PPP3CB: variants seen among roughly 807,000 people sequenced by gnomAD.
PPP3CB encodes serine/threonine-protein phosphatase 2B catalytic subunit beta isoform.
Under a neutral mutation model 66.4 loss-of-function variants are expected in PPP3CB, and 8 were observed. The ratio of observed to expected loss-of-function variants is 0.12; its 90% CI spans 0.07 to 0.22. The LOEUF (loss-of-function observed/expected upper bound fraction) is 0.22. Among genes scored for constraint, PPP3CB ranks in the 10% least tolerant of loss-of-function variants. The pLI is 1.00. For synonymous variants in PPP3CB, 208 were observed against 221.2 expected, an observed-to-expected ratio of 0.94 and a Z score of 0.53; for missense variants, 319 against 642.5, an observed-to-expected ratio of 0.50 and a Z score of 5.44.
At chr10:73,486,199 C>T (rs919678455) in intron 1 of PPP3CB, among the ~76,000 whole-genome samples, 1 of 151,944 alleles carries the variant, frequency 6.6e-6, no homozygotes, top group African/African-American at 2.4e-5. Flanking sequence ...CTGCCTCGGC[C>T]TTCCAAAGTG....
At chr10:73,463,044 G>T (rs1342801375) in intron 9 of PPP3CB, among the ~76,000 whole-genome samples, 1 of 150,352 alleles carries the variant, frequency 6.7e-6, no homozygotes, top group Admixed American at 6.6e-5. Flanking sequence ...AGTAACCTGA[G>T]TAAAGGGTTG....
At chr10:73,454,583 T>C in intron 9 of PPP3CB, 94 bp from the exon 10 acceptor site, 1 of 780,524 alleles carries the variant, frequency 1.3e-6, no homozygotes. Context: ...CAAATAATGT[T>C]TAGCCCAAGA....
chr10:73,467,759 A>G (rs1399033278), intron 8 of PPP3CB, 81 bp from the exon 9 acceptor site: 1 of 1,345,380 alleles, frequency 7.4e-7, no homozygotes, highest in African/African-American at 1.5e-5. Context: ...AATACATAAA[A>G]GCAGAAAAAT....
intron 10 of PPP3CB, among the ~76,000 whole-genome samples, chr10:73,454,169 C>G (rs2056388348): frequency 6.6e-6 from 1 of 152,110 alleles, no homozygotes; most frequent in African/African-American, 2.4e-5. Flanking sequence ...CTTTCCTTAT[C>G]TTCTTTCTTC....
chr10:73,457,612 C>A (rs1302387692), intron 9 of PPP3CB, among the ~76,000 whole-genome samples: 1 of 151,940 alleles, frequency 6.6e-6, no homozygotes, highest in Non-Finnish European at 1.5e-5. Flanking sequence ...GTGGCACATG[C>A]CTGTAATCCC....
chr10:73,443,141 C>T (rs113719503), intron 12 of PPP3CB, among the ~76,000 whole-genome samples: 7,043 of 151,728 alleles, frequency 0.046, 497 homozygotes, highest in African/African-American at 0.15. Flanking sequence ...TGAGGCTGCA[C>T]TGCACTCCAG....
intron 9 of PPP3CB, among the ~76,000 whole-genome samples, chr10:73,454,961 C>T (rs1171303982): frequency 6.6e-6 from 1 of 151,872 alleles, no homozygotes; most frequent in East Asian, 1.9e-4. Context: ...CAACCTCTGC[C>T]TCCCAGGTTC....
chr10:73,460,260 A>G (rs942848574), intron 9 of PPP3CB, among the ~76,000 whole-genome samples: 9 of 147,976 alleles, frequency 6.1e-5, no homozygotes, highest in African/African-American at 2.3e-4. Flanking sequence ...GCAAGAAAGT[A>G]ATAGCAAAAA....
In PPP3CB at chr10:73,476,356, C is replaced by T. The variant is rs112664688; in HGVS notation, c.412-1326G>A. ...CTACATCCAGGCGCAGTGGCTCACG[C>T]CTGTAATCCCAGCACTTCGGGAGGC... On this transcript the variant is annotated intron_variant, in intron 3 of 13. Coordinates refer to ENST00000360663, the MANE Select transcript of PPP3CB (RefSeq NM_021132.4). Among the ~76,000 whole-genome samples the T allele has an allele frequency of 1.1e-3, 168 of 152,286 alleles. 2 individuals are homozygous for T. The Middle Eastern group carries it at 0.014, about 12-fold the overall frequency.
intron 1 of PPP3CB, among the ~76,000 whole-genome samples, chr10:73,491,159 T>G (rs2057072069): frequency 6.7e-6 from 1 of 150,088 alleles, no homozygotes; most frequent in Admixed American, 6.7e-5. Context: ...GCCTCCCGAG[T>G]AGCTGGGATT....
intron 10 of PPP3CB, among the ~76,000 whole-genome samples, chr10:73,447,458 C>T (rs2056275532): frequency 6.6e-6 from 1 of 152,200 alleles, no homozygotes. Context: ...TAGAATCACT[C>T]TGGACCCAAA....
chr10:73,473,467 C>A (rs1259034594), intron 4 of PPP3CB, among the ~76,000 whole-genome samples: 3 of 151,916 alleles, frequency 2.0e-5, no homozygotes, highest in Non-Finnish European at 4.4e-5. Flanking sequence ...CCAGCCTGGC[C>A]AACATGGTGA....
rs533532064 is a variant in PPP3CB, at chr10:73,478,836, T to G, written c.287-213A>C. Among the ~76,000 whole-genome samples the G allele has an allele frequency of 3.3e-5, 5 of 152,268 alleles. No individual in the cohort carries two copies. The East Asian group carries it at 9.6e-4, about 29-fold the overall frequency. On this transcript the variant is annotated intron_variant, in intron 2 of 13. Transcript: ENST00000360663. ...AAAAGATGTAACAGAAATAACGAAA[T>G]TTGTGGTCAGTGACAAACTGAAATC...
At position 73,461,426 on chromosome 10, in the gene PPP3CB, G is replaced by A. The variant is rs890676683; in HGVS notation, c.1108+6127C>T. Among the ~76,000 whole-genome samples the A allele has an allele frequency of 3.9e-5, 6 of 151,950 alleles. No individual in the cohort carries two copies. The East Asian group carries it at 5.8e-4, about 15-fold the overall frequency. ...CACACCACTGCATTCCAGCCTGGGC[G>A]CAACAGAGCAAGATTCTGTCTCAAA... On this transcript the variant is annotated intron_variant, in intron 9 of 13. Coordinates refer to ENST00000360663, the MANE Select transcript of PPP3CB (RefSeq NM_021132.4).
chr10:73,479,228 T>C, intron 2 of PPP3CB, 89 bp downstream of exon 2: 2 of 1,152,452 alleles, frequency 1.7e-6, no homozygotes, highest in Admixed American at 1.9e-5. Context: ...TGATTTAGCA[T>C]ACAGTATCAT....
intron 1 of PPP3CB, among the ~76,000 whole-genome samples, chr10:73,490,477 A>T (rs1309787776): frequency 6.6e-6 from 1 of 152,258 alleles, no homozygotes; most frequent in Non-Finnish European, 1.5e-5. Flanking sequence ...AATTTTACAT[A>T]CCATACACAG....
chr10:73,475,186 C>T (rs2056767990), intron 3 of PPP3CB, among the ~76,000 whole-genome samples, 156 bp from the exon 4 acceptor site: 1 of 152,118 alleles, frequency 6.6e-6, no homozygotes, highest in South Asian at 2.1e-4. Flanking sequence ...CAGATTTTGT[C>T]ATCTTATTCA....
At chr10:73,468,860 T>C (rs2056660694) in intron 8 of PPP3CB, among the ~76,000 whole-genome samples, 1 of 152,166 alleles carries the variant, frequency 6.6e-6, no homozygotes, top group Non-Finnish European at 1.5e-5. Flanking sequence ...GTCTCAAAAA[T>C]TATGAGCTGA....
In PPP3CB at chr10:73,470,797, C is replaced by CATA; in HGVS notation, c.888-17_888-16insTAT. ...CATTCTATAGCTGCAAAACAAATAG[C>CATA]TTAATATGCATCGTAAAGCATCAAT... On this transcript the variant is annotated splice_polypyrimidine_tract_variant and intron_variant, in intron 7 of 13. Transcript: ENST00000360663. 2 of 1,590,452 alleles carry CATA rather than the reference C, an allele frequency of 1.3e-6. No individual in the cohort carries two copies. Among genetic ancestry groups the CATA allele is most frequent in the Non-Finnish European group, 1.7e-6 (2 of 1,161,146 alleles).
Sources: allele counts gnomAD v4.1 joint callset (sites outside exome capture counted in the v4.1 genomes callset), GRCh38; gene constraint gnomAD v4.1.1; transcripts MANE v1.5; gene names NCBI Gene and HGNC (gene_info 2026-07-23, HGNC 2026-07-21).